The following MAGI2 variants were observed in gnomAD, a reference collection of about 807,000 sequenced individuals.
MAGI2 encodes membrane-associated guanylate kinase, WW and PDZ domain-containing protein 2.
Under a neutral mutation model 133.3 loss-of-function variants are expected in MAGI2, and 35 were observed. The ratio of observed to expected loss-of-function variants is 0.26; its 90% CI spans 0.20 to 0.35. The LOEUF is 0.35. MAGI2 is among the 10% of genes least tolerant of loss of function. The pLI is 1.00. For missense variants in MAGI2, 1,636 were observed against 1,863.4 expected (o/e 0.88, Z 2.25); for synonymous variants, 729 against 710.6 (o/e 1.03, Z -0.41).
chr7:79,083,188 T>C (rs1369723017), intron 1 of MAGI2, among the ~76,000 whole-genome samples: 1 of 151,612 alleles, frequency 6.6e-6, no homozygotes, highest in African/African-American at 2.4e-5. Flanking sequence ...TTAGCTTAAA[T>C]GCTCTTGCTG....
In MAGI2 at chr7:78,125,837, C is replaced by T. The variant is rs1820921990; in HGVS notation, c.3424G>A (p.Asp1142Asn). The T allele has an allele frequency of 1.2e-6, 2 of 1,613,784 alleles. No individual in the cohort carries two copies. Among genetic ancestry groups the T allele is most frequent in the Non-Finnish European group, 1.7e-6 (2 of 1,179,926 alleles). The change falls in exon 20 of 22, where the codon GAT becomes AAT. Residue 1142 changes from aspartate to asparagine, a missense_variant and splice_region_variant. Asp to Asn is a conservative substitution (Grantham distance 23). Transcript: ENST00000354212. ...ATGTCCACAGTGAAATAATCAAAATCCTTTGGGGTTGGGGAGAAAATGGAA... is the reference window on the plus strand; with the variant it reads ...ATGTCCACAGTGAAATAATCAAAATTCTTTGGGGTTGGGGAGAAAATGGAA... ...YPLSDYRQPQ[D>N]FDYFTVDMEK... is the part of the protein sequence containing the mutation.
intron 10 of MAGI2, among the ~76,000 whole-genome samples, chr7:78,202,887 TC>T (rs1829392827): frequency 6.6e-6 from 1 of 152,182 alleles, no homozygotes; most frequent in African/African-American, 2.4e-5. Context: ...AATGTGTGGT[TC>T]ATAAGGATTT....
intron 6 of MAGI2, 35 bp from the exon 7 acceptor site, chr7:78,369,248 AT>A (rs768882355): frequency 2.6e-5 from 36 of 1,387,294 alleles, no homozygotes; most frequent in Non-Finnish European, 3.1e-5. Flanking sequence ...TAAATAAAGA[AT>A]ATCACAATTT....
chr7:78,925,275 T>C (rs894526177), intron 2 of MAGI2, among the ~76,000 whole-genome samples: 2 of 152,050 alleles, frequency 1.3e-5, no homozygotes, highest in Non-Finnish European at 2.9e-5. Context: ...ATGAAACTAT[T>C]TGATATAAAG....
intron 20 of MAGI2, among the ~76,000 whole-genome samples, chr7:78,101,948 C>T (rs1364742315): frequency 5.3e-5 from 8 of 151,980 alleles, no homozygotes; most frequent in African/African-American, 1.2e-4. Context: ...AGCCAAGATA[C>T]GAAAACAACC....
chr7:79,384,315 C>G (rs964800352), intron 1 of MAGI2, among the ~76,000 whole-genome samples: 1 of 151,266 alleles, frequency 6.6e-6, no homozygotes, highest in African/African-American at 2.4e-5. Context: ...TTGAAGTGAC[C>G]AATTTGCTTC....
chr7:78,395,954 A>G (rs1044639177), intron 6 of MAGI2, among the ~76,000 whole-genome samples: 18 of 152,190 alleles, frequency 1.2e-4, no homozygotes, highest in Non-Finnish European at 2.4e-4. Context: ...GTTAACTGTG[A>G]AAAATTGAAC....
intron 2 of MAGI2, among the ~76,000 whole-genome samples, chr7:78,836,032 G>A (rs1791589123): frequency 6.6e-6 from 1 of 152,160 alleles, no homozygotes; most frequent in Non-Finnish European, 1.5e-5. Flanking sequence ...CATGGCAAAA[G>A]GAACAGTAAT....
At chr7:78,330,287 T>C (rs1789027831) in intron 9 of MAGI2, among the ~76,000 whole-genome samples, 1 of 152,150 alleles carries the variant, frequency 6.6e-6, no homozygotes, top group Non-Finnish European at 1.5e-5. Flanking sequence ...ATCTTCTGCC[T>C]CCATAGTAAT....
chr7:78,721,063 T>C (rs34637231), intron 2 of MAGI2, among the ~76,000 whole-genome samples: 14 of 151,982 alleles, frequency 9.2e-5, no homozygotes, highest in Non-Finnish European at 1.9e-4. Flanking sequence ...AAAGCTAACA[T>C]CTAACATTAA....
chr7:79,002,044 A>G (rs1806911330), intron 2 of MAGI2, among the ~76,000 whole-genome samples: 2 of 151,986 alleles, frequency 1.3e-5, no homozygotes, highest in Admixed American at 1.3e-4. Context: ...CTTCTCCTGA[A>G]GTTCAATTAC....
At chr7:78,112,473 AT>A (rs1819450710) in intron 20 of MAGI2, among the ~76,000 whole-genome samples, 2 of 152,190 alleles carry the variant, frequency 1.3e-5, no homozygotes, top group Non-Finnish European at 2.9e-5. Context: ...GGGACGATGT[AT>A]TTACAGTGAG....
chr7:78,135,745 G>T (rs1822048640), intron 16 of MAGI2, among the ~76,000 whole-genome samples: 1 of 36,380 alleles, frequency 2.7e-5, no homozygotes, highest in Non-Finnish European at 6.2e-5. Context: ...AGAAATATGT[G>T]TTAAATGGGT....
chr7:78,765,343 CTTT>C (rs10672746), intron 2 of MAGI2, among the ~76,000 whole-genome samples: 125 of 89,060 alleles, frequency 1.4e-3, no homozygotes, highest in African/African-American at 5.3e-3. Flanking sequence ...TAGTGCACAT[CTTT>C]TTTTTTTTTT....
At chr7:78,821,776 A>T (rs1790138178) in intron 2 of MAGI2, among the ~76,000 whole-genome samples, 1 of 152,000 alleles carries the variant, frequency 6.6e-6, no homozygotes, top group Admixed American at 6.5e-5. Context: ...AAACTAATCA[A>T]ATATATCCCA....
At chr7:78,280,730 G>A (rs1161940534) in intron 9 of MAGI2, among the ~76,000 whole-genome samples, 2 of 151,652 alleles carry the variant, frequency 1.3e-5, no homozygotes, top group Non-Finnish European at 2.9e-5. Flanking sequence ...TCAGACTGTG[G>A]ACAGTCAGGG....
chr7:78,361,913 GA>G (rs1792858644), intron 7 of MAGI2, among the ~76,000 whole-genome samples: 1 of 152,176 alleles, frequency 6.6e-6, no homozygotes, highest in Non-Finnish European at 1.5e-5. Context: ...CAGAAACAGG[GA>G]GATGAAGCAC....
intron 1 of MAGI2, among the ~76,000 whole-genome samples, chr7:79,157,437 C>T (rs935804005): frequency 6.6e-6 from 1 of 151,766 alleles, no homozygotes; most frequent in African/African-American, 2.4e-5. Context: ...GAGAGAGAAA[C>T]TGAGACATGT....
At chr7:78,920,122 G>A (rs986006565) in intron 2 of MAGI2, among the ~76,000 whole-genome samples, 6 of 152,048 alleles carry the variant, frequency 3.9e-5, no homozygotes, top group African/African-American at 1.2e-4. Context: ...TCATAAAGAT[G>A]AGTCCCAATG....
Sources: allele counts gnomAD v4.1 joint callset (sites outside exome capture counted in the v4.1 genomes callset), GRCh38; gene constraint gnomAD v4.1.1; transcripts MANE v1.5; gene names NCBI Gene and HGNC (gene_info 2026-07-23, HGNC 2026-07-21).